The following ACTR5 variants were observed in gnomAD, a reference collection of about 807,000 sequenced individuals.
ACTR5 encodes the protein actin related protein 5, also known as actin-related protein 5.
A neutral mutation model predicts 61.2 loss-of-function variants in ACTR5; 43 were observed. The observed-to-expected ratio is 0.70, with a 90% confidence interval of 0.55 to 0.91. ACTR5 has a LOEUF of 0.91. Ranked by LOEUF, ACTR5 falls within the 40% of genes least tolerant of loss-of-function variation. The probability of loss-of-function intolerance (pLI) is 0.00; values close to 1 mark genes in which losing one functional copy is unlikely to be tolerated. For missense variants in ACTR5, 798 were observed against 782.2 expected, an observed-to-expected ratio of 1.02 and a Z score of -0.24; for synonymous variants, 333 against 310.5, an observed-to-expected ratio of 1.07 and a Z score of -0.76.
At chr20:38,754,359 G>C (rs2084405167) in intron 3 of ACTR5, among the ~76,000 whole-genome samples, 1 of 151,996 alleles carries the variant, frequency 6.6e-6, no homozygotes, top group South Asian at 2.1e-4. Context: ...GTGGATTCAG[G>C]GATTGGATGG....
At position 38,752,259 on chromosome 20, in the gene ACTR5, T is replaced by C. The variant is rs1483625656; in HGVS notation, c.734T>C (p.Ile245Thr). The stretch of plus-strand genomic sequence containing the variant: ...ATCACCCTCAGCCGCATGGAGGAGA[T>C]TCTGCATGAGCACAGCTACATCGCT... ...AAITLSRMEE[I>T]LHEHSYIAED... Residue 245 changes from isoleucine (I) to threonine (T), a missense_variant, in exon 3 of 9, where the codon ATT becomes ACT. Transcript: ENST00000243903. 3 of 1,613,822 alleles carry C rather than the reference T, an allele frequency of 1.9e-6. No homozygotes were observed. Among genetic ancestry groups the C allele is most frequent in the South Asian group, 2.2e-5 (2 of 91,074 alleles).
chr20:38,749,485 A>T (rs1555797719), intron 1 of ACTR5, among the ~76,000 whole-genome samples: 2 of 152,190 alleles, frequency 1.3e-5, no homozygotes, highest in Non-Finnish European at 1.5e-5. Context: ...CTGAAAGAGG[A>T]TGTCAGAGAG....
At chr20:38,766,086 G>A (rs2084484759) in intron 6 of ACTR5, 152 bp from the exon 7 acceptor site, 2 of 790,864 alleles carry the variant, frequency 2.5e-6, no homozygotes, top group African/African-American at 3.5e-5. Flanking sequence ...GTAGGAAATT[G>A]AATTAGCAGG....
intron 5 of ACTR5, among the ~76,000 whole-genome samples, chr20:38,756,425 A>T (rs1023836787): frequency 6.6e-6 from 1 of 152,162 alleles, no homozygotes; most frequent in Non-Finnish European, 1.5e-5. Context: ...GATGTTCCCT[A>T]AGGACAGGGA....
chr20:38,755,968 G>A lies in ACTR5; in HGVS notation c.1105G>A (p.Glu369Lys). Reference sequence around the variant, plus strand: ...CATCCAGAAGCTCAGTATAGCAGTGGAGCAGGCTAAGCAGAAAATCCTCCA... The same window carrying A: ...CATCCAGAAGCTCAGTATAGCAGTGAAGCAGGCTAAGCAGAAAATCCTCCA... ...SYIQKLSIAV[E>K]QAKQKILQAE... Residue 369 changes from glutamate to lysine, a missense_variant, in exon 5 of 9, where the codon GAG becomes AAG. Physicochemically the swap from Glu to Lys is moderately conservative, Grantham distance 56. Coordinates refer to ENST00000243903, the MANE Select transcript of ACTR5 (RefSeq NM_024855.4). 6.2e-7 allele frequency: 1 copy of A among 1,614,138 alleles called. No individual in the cohort carries two copies. The highest frequency in any genetic ancestry group is 8.5e-7 in the Non-Finnish European group (1 of 1,180,040).
At chr20:38,749,924 C>T (rs1319169188) in intron 1 of ACTR5, 86 bp from the exon 2 acceptor site, 3 of 1,182,314 alleles carry the variant, frequency 2.5e-6, no homozygotes, top group African/African-American at 1.5e-5. Flanking sequence ...CAAATTCAGT[C>T]CTGCAATAAG....
At position 38,771,812 on chromosome 20, in the gene ACTR5, C is replaced by T; in HGVS notation, c.1820C>T (p.Ala607Val). 1 of 1,610,596 alleles carries T rather than the reference C, an allele frequency of 6.2e-7. No homozygotes were observed. The highest frequency in any genetic ancestry group is 8.5e-7 in the Non-Finnish European group (1 of 1,179,250). The change falls in exon 9 of 9, where the codon GCA becomes GTA. Residue 607 changes from alanine (A) to valine (V), a missense_variant. Ala to Val is a moderately conservative substitution (Grantham distance 64). Coordinates refer to ENST00000243903, the MANE Select transcript of ACTR5 (RefSeq NM_024855.4). The part of the protein sequence containing the change: ...AAGGGGAGEQ[A>V] ...GGTGGAGGTGGTGCTGGTGAGCAGG[C>T]ATAGCAGAGGCCCTCCAGAGAGACT...
At chr20:38,751,369 A>G (rs1445479679) in intron 2 of ACTR5, among the ~76,000 whole-genome samples, 6 of 152,240 alleles carry the variant, frequency 3.9e-5, no homozygotes, top group Non-Finnish European at 8.8e-5. Flanking sequence ...AAAATTTTTG[A>G]AGAAAAAAGT....
At chr20:38,749,263 G>A (rs1415388922) in intron 1 of ACTR5, among the ~76,000 whole-genome samples, 1 of 152,170 alleles carries the variant, frequency 6.6e-6, no homozygotes, top group African/African-American at 2.4e-5. Context: ...GGAGAGGAGG[G>A]AGTTACATTT....
intron 5 of ACTR5, among the ~76,000 whole-genome samples, chr20:38,760,492 A>G (rs984017625): frequency 6.6e-6 from 1 of 152,236 alleles, no homozygotes; most frequent in Non-Finnish European, 1.5e-5. Flanking sequence ...ATGTAGGATC[A>G]GATGTAGGAT....
intron 5 of ACTR5, among the ~76,000 whole-genome samples, chr20:38,759,835 G>A (rs1439606985): frequency 6.6e-6 from 1 of 152,072 alleles, no homozygotes; most frequent in Non-Finnish European, 1.5e-5. Context: ...ATACACATTT[G>A]GTTTTTTGAG....
At chr20:38,764,628 G>A (rs1283365192) in intron 5 of ACTR5, among the ~76,000 whole-genome samples, 2 of 152,144 alleles carry the variant, frequency 1.3e-5, no homozygotes, top group South Asian at 2.1e-4. Context: ...AGTGGGACCT[G>A]CTATTAAGGG....
rs1239008169 is a variant in ACTR5 at position 38,755,975 on chromosome 20, C to T, written c.1112C>T (p.Ala371Val). ...IQKLSIAVEQ[A>V]KQKILQAEVN... ...AAGCTCAGTATAGCAGTGGAGCAGG[C>T]TAAGCAGAAAATCCTCCAAGCGGAA... Residue 371 changes from alanine to valine, a missense_variant, in exon 5 of 9, where the codon GCT (alanine) becomes GTT (valine). Physicochemically the swap from Ala to Val is moderately conservative, Grantham distance 64. Coordinates refer to ENST00000243903, the MANE Select transcript of ACTR5 (RefSeq NM_024855.4). 1 of 1,614,058 alleles carries T rather than the reference C, an allele frequency of 6.2e-7. No homozygotes were observed. Among genetic ancestry groups the T allele is most frequent in the East Asian group, 2.2e-5 (1 of 44,882 alleles).
chr20:38,771,169 GGCCC>G (rs2084517738), intron 8 of ACTR5, among the ~76,000 whole-genome samples: 1 of 152,182 alleles, frequency 6.6e-6, no homozygotes, highest in Non-Finnish European at 1.5e-5. Context: ...GCCTTGCAGC[GGCCC>G]CTGTTTCCCT....
At chr20:38,771,414 G>A (rs2084519304) in intron 8 of ACTR5, 145 bp from the exon 9 acceptor site, 6 of 1,026,740 alleles carry the variant, frequency 5.8e-6, no homozygotes, top group South Asian at 1.6e-5. Flanking sequence ...AGGGTGTGGA[G>A]CTAGCCCCGA....
At chr20:38,753,655 T>C (rs565771408) in intron 3 of ACTR5, among the ~76,000 whole-genome samples, 1 of 152,318 alleles carries the variant, frequency 6.6e-6, no homozygotes, top group African/African-American at 2.4e-5. Context: ...TTAATCTACC[T>C]ATATCATTAT....
intron 5 of ACTR5, among the ~76,000 whole-genome samples, chr20:38,758,619 C>T (rs1264405370): frequency 6.7e-6 from 1 of 149,758 alleles, no homozygotes; most frequent in African/African-American, 2.5e-5. Flanking sequence ...TGCACTCCAG[C>T]CTGGGCAACA....
At chr20:38,753,897 T>A (rs535315939) in intron 3 of ACTR5, among the ~76,000 whole-genome samples, 1 of 151,466 alleles carries the variant, frequency 6.6e-6, no homozygotes, top group Non-Finnish European at 1.5e-5. Context: ...TTTTAAAGTA[T>A]TTTATCTGTT....
In ACTR5 at chr20:38,748,463, G is replaced by A; in HGVS notation, c.-16G>A. On this transcript the variant is annotated 5_prime_UTR_variant, in exon 1 of 9. Coordinates refer to ENST00000243903, the MANE Select transcript of ACTR5 (RefSeq NM_024855.4). ...GGACACTGCGCCGAGGGGCGGGGCT[G>A]GACGCGCGCTCCAAGATGGCGGCGA... 1 of 1,468,780 alleles carries A rather than the reference G, an allele frequency of 6.8e-7. No homozygotes were observed. Among genetic ancestry groups the A allele is most frequent in the Non-Finnish European group, 8.9e-7 (1 of 1,118,890 alleles). The allele number at this position is 1,468,780 out of a possible 1,614,324, so 91.0% of individuals were successfully genotyped here. A position where few individuals can be genotyped will look rare whatever the true frequency, so the allele number is the denominator to read the frequency against.
Sources: allele counts gnomAD v4.1 joint callset (sites outside exome capture counted in the v4.1 genomes callset), GRCh38; gene constraint gnomAD v4.1.1; transcripts MANE v1.5; gene names NCBI Gene and HGNC (gene_info 2026-07-23, HGNC 2026-07-21).